TBC1D2B: variants seen among roughly 807,000 people sequenced by gnomAD.
The protein encoded by TBC1D2B is TBC1 domain family member 2B.
TBC1D2B carries 64 observed loss-of-function variants against 100.8 expected under a neutral mutation model. The ratio of observed to expected loss-of-function variants is 0.64; its 90% CI spans 0.52 to 0.78. The LOEUF (loss-of-function observed/expected upper bound fraction) is 0.78. Ranked by LOEUF, TBC1D2B falls within the 30% of genes least tolerant of loss-of-function variation. TBC1D2B has a pLI of 0.00. For synonymous variants in TBC1D2B, 480 were observed against 479.7 expected (o/e 1.00, Z -0.01); for missense variants, 1,052 against 1,218.4 (o/e 0.86, Z 2.03).
chr15:78,077,169 G>A (rs1378632327), intron 1 of TBC1D2B, 124 bp downstream of exon 1: 3 of 1,289,118 alleles, frequency 2.3e-6, no homozygotes, highest in African/African-American at 1.6e-5. Context: ...AGCAGGGAAA[G>A]GCAGGCCGAC....
intron 12 of TBC1D2B, among the ~76,000 whole-genome samples, chr15:78,000,822 C>T (rs2071892370): frequency 6.6e-6 from 1 of 152,200 alleles, no homozygotes; most frequent in Non-Finnish European, 1.5e-5. Context: ...ACTCAGGGGT[C>T]CTCCAAGTCA....
intron 1 of TBC1D2B, among the ~76,000 whole-genome samples, chr15:78,068,383 CCACACA>C (rs35403620): frequency 7.1e-4 from 102 of 143,108 alleles, no homozygotes; most frequent in East Asian, 1.8e-3. Flanking sequence ...CACACCACAC[CCACACA>C]CACACACACA....
At chr15:78,051,433 G>T (rs1220356175) in intron 2 of TBC1D2B, among the ~76,000 whole-genome samples, 1 of 152,200 alleles carries the variant, frequency 6.6e-6, no homozygotes, top group Non-Finnish European at 1.5e-5. Flanking sequence ...CTTACTTAGA[G>T]TCTGACAACT....
Position 78,038,643 on chromosome 15 carries a change from A to C in TBC1D2B, c.683+6257T>G, listed in dbSNP as rs1030335074. 2.0e-5 allele frequency among the ~76,000 whole-genome samples: 3 copies of C among 152,334 alleles called. No individual in the cohort carries two copies. In the East Asian group the frequency reaches 5.8e-4, roughly 29 times the overall value. On this transcript the variant is annotated intron_variant, in intron 3 of 12. Coordinates refer to ENST00000300584, the MANE Select transcript of TBC1D2B (RefSeq NM_144572.2). Reference sequence around the variant, plus strand: ...GGTCCCTGCAACAGGTGGACCCAGCACAGGCACAGGATGCAGACAGGTGCC... The same window carrying C: ...GGTCCCTGCAACAGGTGGACCCAGCCCAGGCACAGGATGCAGACAGGTGCC...
intron 3 of TBC1D2B, among the ~76,000 whole-genome samples, chr15:78,030,416 C>T (rs146944245): frequency 4.8e-4 from 73 of 152,186 alleles, no homozygotes; most frequent in African/African-American, 1.5e-3. Context: ...ATTCGCCTGC[C>T]TCAGCCTCCC....
At chr15:78,001,860 G>A (rs1490656705) in intron 11 of TBC1D2B, 120 bp from the exon 12 acceptor site, 22 of 1,163,824 alleles carry the variant, frequency 1.9e-5, no homozygotes, top group Admixed American at 1.5e-4. Context: ...CACGGTCCCC[G>A]CCCTGGGGAA....
At chr15:78,036,448 A>C (rs2072948404) in intron 3 of TBC1D2B, among the ~76,000 whole-genome samples, 1 of 152,178 alleles carries the variant, frequency 6.6e-6, no homozygotes, top group South Asian at 2.1e-4. Flanking sequence ...TTAGGCCATG[A>C]AGGCTCAGTC....
intron 12 of TBC1D2B, among the ~76,000 whole-genome samples, 195 bp downstream of exon 12, chr15:78,001,424 A>T (rs2071909949): frequency 6.6e-6 from 1 of 152,190 alleles, no homozygotes; most frequent in South Asian, 2.1e-4. Flanking sequence ...CAGAATCCTC[A>T]TCTCAGTTCC....
rs1414933742 is a variant in TBC1D2B, at chr15:77,996,931, C to G, written c.*1229G>C. 1 of 152,222 alleles carries G rather than the reference C, an allele frequency of 6.6e-6. No individual in the cohort carries two copies. The highest frequency in any genetic ancestry group is 2.4e-5 in the African/African-American group (1 of 41,448). The allele number at this position is 152,222 out of a possible 1,614,324, so 9.4% of individuals were successfully genotyped here. On this transcript the variant is annotated 3_prime_UTR_variant, in exon 13 of 13. Coordinates refer to ENST00000300584, the MANE Select transcript of TBC1D2B (RefSeq NM_144572.2). ...GCAAAAACAAGCTCCTTGCTCAAAGCCTCTCCCCAGCCTTCAGAAAGGCAG... is the reference window on the plus strand; with the variant it reads ...GCAAAAACAAGCTCCTTGCTCAAAGGCTCTCCCCAGCCTTCAGAAAGGCAG...
At chr15:78,055,652 T>C (rs947713041) in intron 1 of TBC1D2B, among the ~76,000 whole-genome samples, 2 of 152,234 alleles carry the variant, frequency 1.3e-5, no homozygotes, top group Non-Finnish European at 2.9e-5. Flanking sequence ...TTTTTAGTGA[T>C]ACTTGCACAC....
intron 8 of TBC1D2B, among the ~76,000 whole-genome samples, chr15:78,015,044 AC>A (rs1261655080): frequency 2.6e-5 from 4 of 152,090 alleles, no homozygotes. Flanking sequence ...TGCTAAAAAT[AC>A]AAAAAATTAG....
chr15:78,002,485 C>CTT (rs35653686), intron 11 of TBC1D2B: 44 of 142,892 alleles, frequency 3.1e-4, no homozygotes, highest in Middle Eastern at 3.6e-3. Context: ...CCTGGCCTTT[C>CTT]TTTTTTTTTT....
rs3743070 is a variant in TBC1D2B, at chr15:78,024,251, C to T, written c.1375G>A (p.Glu459Lys). The T allele has an allele frequency of 2.9e-5, 47 of 1,613,854 alleles. No individual in the cohort carries two copies. The highest frequency in any genetic ancestry group is 3.7e-5 in the Non-Finnish European group (44 of 1,179,900). ...GGAGGAGGCCCGTTGCCCTCGCCCTCGCTGAGCTTGATGATGACCTCGTCC... is the reference window on the plus strand; with the variant it reads ...GGAGGAGGCCCGTTGCCCTCGCCCTTGCTGAGCTTGATGATGACCTCGTCC... ...AKDEVIIKLS[E>K]GEGNGPPPTV... Residue 459 changes from glutamate (E) to lysine (K), a missense_variant, in exon 6 of 13, where the codon GAG becomes AAG. By Grantham distance (56) the Glu-to-Lys change is moderately conservative. This residue lies in a region of TBC1D2B where 627 missense variants were observed against 646.1 expected (regional missense o/e 0.97). Transcript: ENST00000300584.
chr15:78,003,092 G>A lies in TBC1D2B; in HGVS notation c.2574+213C>T, dbSNP rs150839607. The A allele has an allele frequency of 5.0e-3, 2,575 of 511,572 alleles. 57 individuals are homozygous for A. Among genetic ancestry groups the A allele is most frequent in the African/African-American group, 0.043 (2,271 of 52,582 alleles). 31.7% of individuals were successfully genotyped at this position (511,572 alleles called of 1,614,324 possible). ...CATAGCTCCCAGCGCCTATCACAGG[G>A]CTTGATGTGGGTTGAATGTTTCTGA... On this transcript the variant is annotated intron_variant, in intron 11 of 12. Transcript: ENST00000300584.
chr15:78,058,479 T>G lies in TBC1D2B; in HGVS notation c.361-4292A>C, dbSNP rs772995778. On this transcript the variant is annotated intron_variant, in intron 1 of 12. Transcript: ENST00000300584. ...CTTTAGGAACCCAGGCATCTGCTGG[T>G]CTGGCCCCAGCTATAGTGCCTTTAT... Among the ~76,000 whole-genome samples, 38 of 152,340 alleles carry G rather than the reference T, an allele frequency of 2.5e-4. No homozygotes were observed. The South Asian group carries it at 3.1e-3, about 12-fold the overall frequency.
At chr15:78,072,697 C>T (rs1351473236) in intron 1 of TBC1D2B, among the ~76,000 whole-genome samples, 2 of 152,300 alleles carry the variant, frequency 1.3e-5, no homozygotes, top group South Asian at 2.1e-4. Flanking sequence ...GGTCTGATGA[C>T]GCTCTCTTGC....
chr15:78,026,189 G>C (rs2072664669), intron 4 of TBC1D2B, among the ~76,000 whole-genome samples: 1 of 150,360 alleles, frequency 6.7e-6, no homozygotes, highest in Non-Finnish European at 1.5e-5. Flanking sequence ...GCTATACTTT[G>C]AATGTGTCCC....
chr15:78,039,845 A>C (rs1169218883), intron 3 of TBC1D2B, among the ~76,000 whole-genome samples: 1 of 152,122 alleles, frequency 6.6e-6, no homozygotes, highest in Non-Finnish European at 1.5e-5. Context: ...TCAACATCAC[A>C]CACCCAATAA....
intron 3 of TBC1D2B, 52 bp downstream of exon 3, chr15:78,044,848 T>C: frequency 6.9e-7 from 1 of 1,448,608 alleles, no homozygotes; most frequent in Non-Finnish European, 9.4e-7. Context: ...ATAACATACA[T>C]TATCAGAAAC....
Sources: gnomAD v4.1 joint callset for allele counts (sites outside exome capture counted in the v4.1 genomes callset) on GRCh38, gnomAD v4.1.1 for gene constraint, gnomAD v4.1.1 regional missense constraint, MANE v1.5 for transcripts, NCBI Gene and HGNC (gene_info 2026-07-23, HGNC 2026-07-21) for gene names.